Variants in SMIM36 observed in about 807,000 individuals in gnomAD.
The protein encoded by SMIM36 is small integral membrane protein 36.
chr17:55,526,279 G>C, the SMIM36 span, among the ~76,000 whole-genome samples: 1 of 152,088 alleles, frequency 6.6e-6, no homozygotes, highest in Admixed American at 6.5e-5. Flanking sequence ...AAGTACCTGG[G>C]ATTACAGGTG....
chr17:55,460,027 C>A (rs1432235972), intron 4 of SMIM36, among the ~76,000 whole-genome samples: 3 of 152,050 alleles, frequency 2.0e-5, no homozygotes, highest in African/African-American at 7.3e-5. Context: ...ATTTATTGAA[C>A]AAATTGTTAC....
At chr17:55,477,671 T>C (rs927187963) in intron 3 of SMIM36, among the ~76,000 whole-genome samples, 1 of 152,134 alleles carries the variant, frequency 6.6e-6, no homozygotes, top group Non-Finnish European at 1.5e-5. Context: ...ATCTTGGCCC[T>C]ACCATTTATT....
chr17:55,471,062 A>T (rs1567864613), intron 3 of SMIM36, among the ~76,000 whole-genome samples: 1 of 152,018 alleles, frequency 6.6e-6, no homozygotes, highest in South Asian at 2.1e-4. Context: ...ACCCCCTCCC[A>T]CAACTCACTA....
At chr17:55,515,086 G>GTTTTTTTTTTTTTTTTTTT (rs1158864125), upstream of SMIM36, among the ~76,000 whole-genome samples, 2 of 54,086 alleles carry the variant, frequency 3.7e-5, 1 homozygote, top group Non-Finnish European at 6.3e-5. Flanking sequence ...CTAGTCTAGT[G>GTTTTTTTTTTTTTTTTTTT]TTTTTTTTTT....
chr17:55,507,326 C>T (rs1393795786), intron 1 of SMIM36, among the ~76,000 whole-genome samples: 3 of 133,986 alleles, frequency 2.2e-5, no homozygotes, highest in Admixed American at 1.5e-4. Flanking sequence ...TTGGAACCAA[C>T]CCAAATGTCC....
At chr17:55,515,081 CTA>C (rs1910245371), upstream of SMIM36, among the ~76,000 whole-genome samples, 1 of 82,110 alleles carries the variant, frequency 1.2e-5, no homozygotes, top group African/African-American at 3.8e-5. Flanking sequence ...GAATTCTAGT[CTA>C]GTGTTTTTTT....
chr17:55,472,439 G>A (rs1056251665), intron 3 of SMIM36, among the ~76,000 whole-genome samples: 3 of 152,198 alleles, frequency 2.0e-5, no homozygotes, highest in African/African-American at 7.2e-5. Flanking sequence ...GCTGAAAGAG[G>A]CTTCCTTATC....
intron 1 of SMIM36, among the ~76,000 whole-genome samples, chr17:55,484,992 G>C (rs1909580414): frequency 6.6e-6 from 1 of 152,162 alleles, no homozygotes; most frequent in South Asian, 2.1e-4. Context: ...CCATTGACTG[G>C]GTTTAGCTGA....
upstream of SMIM36, among the ~76,000 whole-genome samples, chr17:55,511,880 T>A (rs573734398): frequency 6.6e-6 from 1 of 152,330 alleles, no homozygotes; most frequent in South Asian, 2.1e-4. Context: ...CCTTTCTTCA[T>A]TTGTTGCCAT....
At chr17:55,476,541 T>C (rs894393458) in intron 3 of SMIM36, among the ~76,000 whole-genome samples, 1 of 151,186 alleles carries the variant, frequency 6.6e-6, no homozygotes, top group African/African-American at 2.4e-5. Flanking sequence ...TGGCTCTGCC[T>C]TTGTGCCTTC....
At chr17:55,498,583 A>AT (rs200549052) in intron 1 of SMIM36, among the ~76,000 whole-genome samples, 30,837 of 146,882 alleles carry the variant, frequency 0.21, 5,015 homozygotes, top group African/African-American at 0.45. Flanking sequence ...GATTATATCC[A>AT]TTTTTTTTTT....
At chr17:55,479,170 C>T (rs893493822) in intron 2 of SMIM36, among the ~76,000 whole-genome samples, 36 of 152,340 alleles carry the variant, frequency 2.4e-4, no homozygotes, top group East Asian at 3.9e-4. Context: ...GCTCTTACTC[C>T]CATAGGATTC....
In SMIM36 at chr17:55,500,579, G is replaced by T. The variant is rs189029916; in HGVS notation, c.*174+10300C>A. On this transcript the variant is annotated intron_variant, in intron 1 of 4. Transcript: ENST00000636752. Reference sequence around the variant, plus strand: ...CAGAGGCTTGGAATAACTCAATGCCGTCTATTCCAACACTCTCTTTAGAGT... The same window carrying T: ...CAGAGGCTTGGAATAACTCAATGCCTTCTATTCCAACACTCTCTTTAGAGT... Among the ~76,000 whole-genome samples, 4 of 151,204 alleles carry T rather than the reference G, an allele frequency of 2.6e-5. No homozygotes were observed. In the East Asian group the frequency reaches 7.7e-4, roughly 29 times the overall value.
intron 4 of SMIM36, among the ~76,000 whole-genome samples, chr17:55,461,908 C>G (rs910374276): frequency 3.3e-5 from 5 of 152,082 alleles, no homozygotes; most frequent in African/African-American, 1.2e-4. Flanking sequence ...AGAATTCTTA[C>G]GGAAGAAGGC....
chr17:55,514,767 C>T (rs1447822053), upstream of SMIM36, among the ~76,000 whole-genome samples: 1 of 152,108 alleles, frequency 6.6e-6, no homozygotes, highest in East Asian at 1.9e-4. Flanking sequence ...CATATAAATA[C>T]ATTTTTAGGT....
At chr17:55,459,783 G>A (rs1909102912) in intron 4 of SMIM36, among the ~76,000 whole-genome samples, 1 of 151,832 alleles carries the variant, frequency 6.6e-6, no homozygotes, top group Non-Finnish European at 1.5e-5. Context: ...GCGCGCTTGA[G>A]CCCAGAAATT....
chr17:55,515,384 C>T (rs1338419160), upstream of SMIM36, among the ~76,000 whole-genome samples: 1 of 152,114 alleles, frequency 6.6e-6, no homozygotes, highest in East Asian at 1.9e-4. Flanking sequence ...TATTTTGTCG[C>T]AACTTAAAAG....
intron 1 of SMIM36, among the ~76,000 whole-genome samples, chr17:55,509,443 T>C (rs1598459759): frequency 6.6e-6 from 1 of 152,252 alleles, no homozygotes; most frequent in East Asian, 1.9e-4. Context: ...CTTTGGTACC[T>C]GAGTCTAAGA....
At chr17:55,487,979 T>C (rs1909636755) in intron 1 of SMIM36, among the ~76,000 whole-genome samples, 1 of 152,202 alleles carries the variant, frequency 6.6e-6, no homozygotes, top group Admixed American at 6.5e-5. Context: ...TGCTGGAAAC[T>C]TCTGAAAACC....
Sources: allele counts gnomAD v4.1 joint callset (sites outside exome capture counted in the v4.1 genomes callset), GRCh38; gene constraint gnomAD v4.1.1; transcripts MANE v1.5; gene names NCBI Gene and HGNC (gene_info 2026-07-23, HGNC 2026-07-21).